EPC2: variants seen among roughly 807,000 people sequenced by gnomAD.
EPC2 encodes the protein enhancer of polycomb 2.
A neutral mutation model predicts 92.1 loss-of-function variants in EPC2; 14 were observed. The observed-to-expected ratio is 0.15, with a 90% CI of 0.10 to 0.24. The LOEUF (loss-of-function observed/expected upper bound fraction) is 0.24. EPC2 is among the 10% of genes least tolerant of loss of function. EPC2 has a pLI of 1.00. For missense variants in EPC2, 755 were observed against 971.5 expected (o/e 0.78, Z 2.96); for synonymous variants, 340 against 334.7 (o/e 1.02, Z -0.17).
At chr2:148,712,559 G>A (rs1039625198) in intron 2 of EPC2, among the ~76,000 whole-genome samples, 2 of 152,116 alleles carry the variant, frequency 1.3e-5, no homozygotes, top group African/African-American at 4.8e-5. Flanking sequence ...TACTGATGCT[G>A]GTGTAAACAA....
intron 10 of EPC2, among the ~76,000 whole-genome samples, chr2:148,773,228 A>G (rs1683562240): frequency 6.6e-6 from 1 of 152,066 alleles, no homozygotes; most frequent in South Asian, 2.1e-4. Flanking sequence ...TAATCCTATG[A>G]CACTACCATA....
At chr2:148,692,560 A>C (rs1443129816) in intron 2 of EPC2, 1 of 152,148 alleles carries the variant, frequency 6.6e-6, no homozygotes, top group African/African-American at 2.4e-5. Flanking sequence ...AAAATTATTT[A>C]TGTATATTTT....
chr2:148,660,936 G>A (rs993191955), intron 1 of EPC2, among the ~76,000 whole-genome samples: 6 of 151,718 alleles, frequency 4.0e-5, no homozygotes, highest in Non-Finnish European at 1.5e-5. Context: ...TCTTTTCAAA[G>A]ATAAGATTAT....
At chr2:148,692,494 CAG>C (rs1410228806) in intron 2 of EPC2, 1 of 152,154 alleles carries the variant, frequency 6.6e-6, no homozygotes, top group Non-Finnish European at 1.5e-5. Flanking sequence ...TTTGGTGGTA[CAG>C]CCATTTTCCA....
In EPC2 at chr2:148,712,577, T is replaced by C. The variant is rs73020812; in HGVS notation, c.313+22204T>C. On this transcript the variant is annotated intron_variant, in intron 2 of 13. Transcript: ENST00000258484. ...TGATGCTGGTGTAAACAAATCTGCA[T>C]TGCCAGTTATGTAAAAGTATAGCAC... 2.9e-3 allele frequency among the ~76,000 whole-genome samples: 436 copies of C among 152,292 alleles called. 2 individuals are homozygous for C. Among genetic ancestry groups the C allele is most frequent in the African/African-American group, 9.4e-3 (392 of 41,560 alleles).
intron 2 of EPC2, among the ~76,000 whole-genome samples, chr2:148,733,601 C>A (rs1682690793): frequency 6.8e-6 from 1 of 147,794 alleles, no homozygotes; most frequent in African/African-American, 2.5e-5. Flanking sequence ...GGGCTCCAGC[C>A]ATCCTCCCAG....
intron 1 of EPC2, among the ~76,000 whole-genome samples, chr2:148,676,581 C>T (rs1007925111): frequency 2.6e-5 from 4 of 151,742 alleles, no homozygotes; most frequent in Admixed American, 2.6e-4. Flanking sequence ...CATCTAGGCT[C>T]CTTTCTCTAC....
At chr2:148,740,017 ATTG>A (rs367965820) in intron 2 of EPC2, among the ~76,000 whole-genome samples, 108 of 151,280 alleles carry the variant, frequency 7.1e-4, no homozygotes, top group African/African-American at 2.4e-3. Context: ...GGTGGGAGGT[ATTG>A]TTTTATCTGT....
chr2:148,785,818 A>G (rs928377912), intron 13 of EPC2, among the ~76,000 whole-genome samples: 1 of 152,210 alleles, frequency 6.6e-6, no homozygotes, highest in African/African-American at 2.4e-5. Context: ...ATTTCTTTCT[A>G]TGACACTAAT....
intron 2 of EPC2, among the ~76,000 whole-genome samples, chr2:148,717,019 A>G (rs1007660244): frequency 1.3e-5 from 2 of 152,058 alleles, no homozygotes; most frequent in Non-Finnish European, 2.9e-5. Context: ...TTTCTAGTTT[A>G]TGTGCATAAA....
intron 1 of EPC2, among the ~76,000 whole-genome samples, chr2:148,671,368 C>G (rs1178637158): frequency 2.0e-5 from 3 of 148,516 alleles, no homozygotes; most frequent in Non-Finnish European, 4.4e-5. Context: ...AATCCCAGCA[C>G]TTTGGGAGGC....
intron 10 of EPC2, among the ~76,000 whole-genome samples, chr2:148,774,378 G>A (rs1363322922): frequency 6.6e-6 from 1 of 152,014 alleles, no homozygotes; most frequent in African/African-American, 2.4e-5. Flanking sequence ...TGTAATCCCA[G>A]CATTTTGGGA....
chr2:148,656,808 A>C (rs532060985), intron 1 of EPC2, among the ~76,000 whole-genome samples: 1 of 152,364 alleles, frequency 6.6e-6, no homozygotes, highest in South Asian at 2.1e-4. Context: ...AGTTTTACAC[A>C]GATGAACACA....
chr2:148,764,417 G>C (rs1683368798), intron 6 of EPC2, among the ~76,000 whole-genome samples: 1 of 152,106 alleles, frequency 6.6e-6, no homozygotes, highest in Non-Finnish European at 1.5e-5. Flanking sequence ...CAGAAGCCTG[G>C]GGGACTTCAG....
intron 3 of EPC2, among the ~76,000 whole-genome samples, chr2:148,751,375 C>A (rs563193251): frequency 2.0e-5 from 3 of 151,898 alleles, no homozygotes; most frequent in Non-Finnish European, 2.9e-5. Context: ...TTTTTTTTAT[C>A]TCCCCATCCC....
intron 1 of EPC2, among the ~76,000 whole-genome samples, chr2:148,663,916 A>G (rs911440113): frequency 2.6e-5 from 4 of 152,186 alleles, no homozygotes; most frequent in Non-Finnish European, 5.9e-5. Flanking sequence ...GATGAAGCTC[A>G]GGGTAATGCT....
rs376309552 is a variant in EPC2, at chr2:148,729,031, CAAAAAAAAAA to C, written c.314-14574_314-14565del. 4.1e-3 allele frequency among the ~76,000 whole-genome samples: 260 copies of C among 63,660 alleles called. 4 individuals carry two copies. The highest frequency in any genetic ancestry group is 5.8e-3 in the Non-Finnish European group (202 of 35,112). The allele number at this position is 63,660 out of a possible 152,430, so 41.8% of individuals were successfully genotyped here. The stretch of plus-strand genomic sequence containing the variant: ...TGGGCGACAGAGCGAAACTCCATCT[CAAAAAAAAAA>C]AAAAAAAAAAAAAAAAGCAAACTTG... On this transcript the variant is annotated intron_variant, in intron 2 of 13. Coordinates refer to ENST00000258484, the MANE Select transcript of EPC2 (RefSeq NM_015630.4).
intron 1 of EPC2, among the ~76,000 whole-genome samples, chr2:148,653,622 A>G (rs569899334): frequency 2.6e-5 from 4 of 151,804 alleles, no homozygotes; most frequent in East Asian, 1.9e-4. Context: ...AGCTGTTGCT[A>G]TAAAGTCAGA....
At chr2:148,659,827 A>T (rs1680896721) in intron 1 of EPC2, among the ~76,000 whole-genome samples, 1 of 140,906 alleles carries the variant, frequency 7.1e-6, no homozygotes, top group South Asian at 2.3e-4. Flanking sequence ...TAGGACATTA[A>T]CACAGCACAG....
Sources: gnomAD v4.1 joint callset for allele counts (sites outside exome capture counted in the v4.1 genomes callset) on GRCh38, gnomAD v4.1.1 for gene constraint, MANE v1.5 for transcripts, NCBI Gene and HGNC (gene_info 2026-07-23, HGNC 2026-07-21) for gene names.